GPC6: variants seen among roughly 807,000 people sequenced by gnomAD.
The protein encoded by GPC6 is glypican 6.
In GPC6, 14 loss-of-function variants were observed where a neutral mutation model predicts 55.2. That is an observed-to-expected ratio of 0.25 (90% confidence interval 0.17 to 0.40). The LOEUF is 0.40. Among genes scored for constraint, GPC6 ranks in the 10% least tolerant of loss-of-function variants. The probability of loss-of-function intolerance (pLI) is 1.00; values close to 1 mark genes in which losing one functional copy is unlikely to be tolerated. For synonymous variants in GPC6, 278 were observed against 259.6 expected (o/e 1.07, Z -0.68); for missense variants, 641 against 708.5 (o/e 0.90, Z 1.08).
At chr13:93,621,027 A>G (rs1878930412) in intron 2 of GPC6, among the ~76,000 whole-genome samples, 1 of 152,146 alleles carries the variant, frequency 6.6e-6, no homozygotes. Context: ...TATTTGATGA[A>G]CAGAAAATTT....
At chr13:94,239,406 A>G (rs528414043) in intron 4 of GPC6, among the ~76,000 whole-genome samples, 1 of 152,154 alleles carries the variant, frequency 6.6e-6, no homozygotes, top group South Asian at 2.1e-4. Flanking sequence ...TTTGAGCATA[A>G]CTGTTTTTCT....
intron 1 of GPC6, among the ~76,000 whole-genome samples, chr13:93,465,309 A>G (rs1878864562): frequency 1.3e-5 from 2 of 152,318 alleles, no homozygotes; most frequent in Admixed American, 6.5e-5. Context: ...TTTTAGCTAT[A>G]AAAGTCCTAC....
intron 3 of GPC6, among the ~76,000 whole-genome samples, chr13:93,921,991 T>C (rs1317361579): frequency 6.6e-6 from 1 of 151,934 alleles, no homozygotes; most frequent in Non-Finnish European, 1.5e-5. Context: ...AAATACTCAA[T>C]AGATATTTGT....
intron 1 of GPC6, among the ~76,000 whole-genome samples, chr13:93,296,352 T>C (rs1878495422): frequency 6.6e-6 from 1 of 152,196 alleles, no homozygotes; most frequent in African/African-American, 2.4e-5. Context: ...TCAGTTGGAT[T>C]ATGGCAGTAG....
intron 3 of GPC6, among the ~76,000 whole-genome samples, chr13:93,984,057 C>T (rs1880920314): frequency 6.6e-6 from 1 of 151,598 alleles, no homozygotes; most frequent in African/African-American, 2.4e-5. Flanking sequence ...TTTATTTTTG[C>T]TAAAGAGTTA....
intron 6 of GPC6, among the ~76,000 whole-genome samples, chr13:94,331,050 G>T (rs904234670): frequency 6.6e-6 from 1 of 152,108 alleles, no homozygotes; most frequent in Non-Finnish European, 1.5e-5. Context: ...GATTTGGAGG[G>T]TGCTACATCA....
At chr13:93,398,249 T>G (rs1875937438) in intron 1 of GPC6, among the ~76,000 whole-genome samples, 1 of 152,190 alleles carries the variant, frequency 6.6e-6, no homozygotes, top group Non-Finnish European at 1.5e-5. Context: ...TTTAAAAATC[T>G]CATCACAGTC....
chr13:93,815,743 A>G (rs1427785632), intron 2 of GPC6, among the ~76,000 whole-genome samples: 3 of 152,164 alleles, frequency 2.0e-5, no homozygotes, highest in Non-Finnish European at 2.9e-5. Context: ...ACTTTGTCTC[A>G]TTATGTAACT....
chr13:94,177,620 C>G (rs1406527136), intron 4 of GPC6, among the ~76,000 whole-genome samples: 3 of 151,982 alleles, frequency 2.0e-5, no homozygotes. Flanking sequence ...ATGGTGATGC[C>G]TGATAAAGAT....
intron 6 of GPC6, among the ~76,000 whole-genome samples, chr13:94,353,930 A>G (rs1444052932): frequency 6.6e-6 from 1 of 150,988 alleles, no homozygotes; most frequent in Non-Finnish European, 1.5e-5. Context: ...ATCCAGTGAT[A>G]CTGAAGAAAA....
At chr13:94,190,573 C>A (rs1889358909) in intron 4 of GPC6, among the ~76,000 whole-genome samples, 1 of 152,010 alleles carries the variant, frequency 6.6e-6, no homozygotes, top group Admixed American at 6.6e-5. Context: ...TCATCCTGGG[C>A]TAAAGAAAAT....
intron 2 of GPC6, among the ~76,000 whole-genome samples, chr13:93,756,648 A>G (rs1884780484): frequency 6.6e-6 from 1 of 152,140 alleles, no homozygotes; most frequent in African/African-American, 2.4e-5. Flanking sequence ...GATGGGGTTA[A>G]TCTTTGTAGC....
At chr13:94,323,565 A>G (rs1309673069) in intron 6 of GPC6, among the ~76,000 whole-genome samples, 1 of 152,190 alleles carries the variant, frequency 6.6e-6, no homozygotes, top group Non-Finnish European at 1.5e-5. Flanking sequence ...TAAAGTGTGG[A>G]GTAATAGGCA....
At chr13:93,629,536 T>C (rs1879345529) in intron 2 of GPC6, among the ~76,000 whole-genome samples, 1 of 152,180 alleles carries the variant, frequency 6.6e-6, no homozygotes, top group Non-Finnish European at 1.5e-5. Context: ...GTTGATCCAA[T>C]TCAGTTAATA....
At chr13:94,077,188 G>T (rs930549678) in intron 4 of GPC6, among the ~76,000 whole-genome samples, 2 of 151,546 alleles carry the variant, frequency 1.3e-5, no homozygotes, top group Admixed American at 1.3e-4. Flanking sequence ...CAGTGTACAA[G>T]GTTTTCACCT....
At chr13:93,972,301 T>C (rs1880319853) in intron 3 of GPC6, among the ~76,000 whole-genome samples, 1 of 152,206 alleles carries the variant, frequency 6.6e-6, no homozygotes, top group Non-Finnish European at 1.5e-5. Context: ...TGACTGACAT[T>C]GAGCAATCCT....
chr13:94,201,314 T>A (rs1240450945), intron 4 of GPC6, among the ~76,000 whole-genome samples: 1 of 152,114 alleles, frequency 6.6e-6, no homozygotes, highest in African/African-American at 2.4e-5. Flanking sequence ...ACATTGGCGC[T>A]GCGGGAGGAG....
intron 1 of GPC6, among the ~76,000 whole-genome samples, chr13:93,315,508 G>A (rs991227943): frequency 6.6e-6 from 1 of 151,606 alleles, no homozygotes; most frequent in African/African-American, 2.4e-5. Context: ...AATAGATAAG[G>A]CTTTACATAT....
intron 1 of GPC6, among the ~76,000 whole-genome samples, chr13:93,367,254 T>C (rs911625462): frequency 2.0e-5 from 3 of 151,434 alleles, no homozygotes; most frequent in Non-Finnish European, 4.4e-5. Flanking sequence ...TGTGGACAAT[T>C]ATTCTGATGC....
Sources: allele counts gnomAD v4.1 joint callset (sites outside exome capture counted in the v4.1 genomes callset), GRCh38; gene constraint gnomAD v4.1.1; transcripts MANE v1.5; gene names NCBI Gene and HGNC (gene_info 2026-07-23, HGNC 2026-07-21).